Variants in MANBA observed in about 807,000 individuals in gnomAD.
MANBA encodes beta-mannosidase.
A neutral mutation model predicts 111.1 loss-of-function variants in MANBA; 83 were observed. The observed-to-expected ratio is 0.75, with a 90% CI of 0.63 to 0.90. The LOEUF is 0.90. MANBA is among the 40% of genes least tolerant of loss of function. The pLI, the probability that MANBA is intolerant of heterozygous loss-of-function variation, is 0.00. For missense variants in MANBA, 1,036 were observed against 1,069.0 expected, an observed-to-expected ratio of 0.97 and a Z score of 0.43; for synonymous variants, 370 against 378.7, an observed-to-expected ratio of 0.98 and a Z score of 0.27.
At chr4:102,737,452 A>C (rs1256120250) in intron 1 of MANBA, among the ~76,000 whole-genome samples, 1 of 150,268 alleles carries the variant, frequency 6.7e-6, no homozygotes, top group Non-Finnish European at 1.5e-5. Flanking sequence ...GGCTTCATGG[A>C]AGATGGGTAA....
chr4:102,636,724 G>A (rs1729649865), intron 14 of MANBA, among the ~76,000 whole-genome samples: 1 of 152,196 alleles, frequency 6.6e-6, no homozygotes, highest in Admixed American at 6.5e-5. Flanking sequence ...ATAAGTACAA[G>A]GAGCTGGTGA....
intron 13 of MANBA, 91 bp from the exon 14 acceptor site, chr4:102,639,948 G>T (rs369461301): frequency 4.8e-6 from 7 of 1,459,812 alleles, no homozygotes; most frequent in Non-Finnish European, 5.7e-6. Context: ...TTTGTTTTGG[G>T]TTTTTTCTTT....
chr4:102,674,033 A>C lies in MANBA; in HGVS notation c.998T>G (p.Ile333Arg). 1 of 1,603,444 alleles carries C rather than the reference A, an allele frequency of 6.2e-7. No homozygotes were observed. The highest frequency in any genetic ancestry group is 1.1e-5 in the South Asian group (1 of 90,830). ...GAAACTCAAACCAGGAGACCCTTTT[A>C]TAGGCTCTTCTATAAGTTCCACTGT... is the stretch of plus-strand genomic sequence containing the variant. Reference protein sequence around the residue: ...FRTVELIEEPIKGSPGLSFYF... With the variant: ...FRTVELIEEPRKGSPGLSFYF... The change falls in exon 8 of 17, where the codon ATA becomes AGA. Residue 333 changes from isoleucine (I) to arginine (R), a missense_variant. By Grantham distance (97) the Ile-to-Arg change is moderately conservative. Coordinates refer to ENST00000647097, the MANE Select transcript of MANBA (RefSeq NM_005908.4).
chr4:102,717,424 CTT>C (rs1239871326), intron 4 of MANBA, among the ~76,000 whole-genome samples: 75 of 134,422 alleles, frequency 5.6e-4, no homozygotes, highest in African/African-American at 1.8e-3. Flanking sequence ...CAGGCAGGAA[CTT>C]TTTTTTTTTT....
At chr4:102,708,460 A>C (rs1460102689) in intron 5 of MANBA, among the ~76,000 whole-genome samples, 2 of 152,168 alleles carry the variant, frequency 1.3e-5, no homozygotes, top group Non-Finnish European at 2.9e-5. Context: ...ACAGATAAAA[A>C]TTGAAGCACA....
chr4:102,653,228 A>G (rs1730417184), intron 12 of MANBA, among the ~76,000 whole-genome samples: 1 of 29,404 alleles, frequency 3.4e-5, no homozygotes, highest in African/African-American at 1.2e-4. Flanking sequence ...ATGCACACAC[A>G]CACACACACA....
At chr4:102,683,568 C>T (rs538604686) in intron 7 of MANBA, among the ~76,000 whole-genome samples, 27 of 152,262 alleles carry the variant, frequency 1.8e-4, no homozygotes, top group Non-Finnish European at 2.8e-4. Context: ...TCAGTACAAT[C>T]AATTAGTAGG....
In MANBA at chr4:102,657,860, T is replaced by C; in HGVS notation, c.1526A>G (p.Asn509Ser). 1.2e-6 allele frequency: 2 copies of C among 1,613,772 alleles called. No individual in the cohort carries two copies. The highest frequency in any genetic ancestry group is 1.7e-6 in the Non-Finnish European group (2 of 1,179,684). ...GGCTTCTGCAACAGTTTCAGCCCCA[T>C]TTGTAGGACTGGACGTAATAAAAGG... The part of the protein sequence containing the change: ...SRPFITSSPT[N>S]GAETVAEAWV... Residue 509 changes from asparagine (N) to serine (S), a missense_variant, in exon 12 of 17, where the codon AAT (asparagine) becomes AGT (serine). Asn to Ser is a conservative substitution (Grantham distance 46). Coordinates refer to ENST00000647097, the MANE Select transcript of MANBA (RefSeq NM_005908.4).
intron 11 of MANBA, among the ~76,000 whole-genome samples, chr4:102,663,253 C>A (rs1256972367): frequency 6.6e-6 from 1 of 151,734 alleles, no homozygotes; most frequent in Non-Finnish European, 1.5e-5. Flanking sequence ...CACATAACAG[C>A]TCTTAAAAGT....
At chr4:102,664,412 G>A (rs866137922) in intron 11 of MANBA, among the ~76,000 whole-genome samples, 6 of 151,318 alleles carry the variant, frequency 4.0e-5, no homozygotes, top group African/African-American at 9.7e-5. Flanking sequence ...GCAGTGGCGC[G>A]ATCTCGGCTC....
chr4:102,726,392 A>G (rs1393427357), intron 2 of MANBA, among the ~76,000 whole-genome samples, 197 bp downstream of exon 2: 1 of 152,178 alleles, frequency 6.6e-6, no homozygotes, highest in South Asian at 2.1e-4. Context: ...TATACAAAAC[A>G]AAACATAAAT....
In MANBA at chr4:102,760,011, T is replaced by A. The variant is rs1205004753; in HGVS notation, c.177+707A>T. Among the ~76,000 whole-genome samples the A allele has an allele frequency of 4.6e-5, 7 of 152,252 alleles. No individual in the cohort carries two copies. The East Asian group carries it at 1.2e-3, about 25-fold the overall frequency. Reference sequence around the variant, plus strand: ...AGCAGTTGGAGGATGGAAGTCAGTTTGCAAACCTATGCGCACAGGCAGCCA... The same window carrying A: ...AGCAGTTGGAGGATGGAAGTCAGTTAGCAAACCTATGCGCACAGGCAGCCA... On this transcript the variant is annotated intron_variant, in intron 1 of 16. Coordinates refer to ENST00000647097, the MANE Select transcript of MANBA (RefSeq NM_005908.4).
At chr4:102,691,393 A>G (rs1732466628) in intron 5 of MANBA, among the ~76,000 whole-genome samples, 1 of 152,176 alleles carries the variant, frequency 6.6e-6, no homozygotes, top group South Asian at 2.1e-4. Flanking sequence ...AGACAAATTC[A>G]AAAGCATAAT....
At chr4:102,743,300 A>G (rs1723475446) in intron 1 of MANBA, among the ~76,000 whole-genome samples, 1 of 152,244 alleles carries the variant, frequency 6.6e-6, no homozygotes, top group South Asian at 2.1e-4. Flanking sequence ...GAATCAGTAT[A>G]TAACTGCACA....
At chr4:102,649,831 C>T (rs1421400458) in intron 13 of MANBA, among the ~76,000 whole-genome samples, 2 of 152,126 alleles carry the variant, frequency 1.3e-5, no homozygotes, top group African/African-American at 2.4e-5. Context: ...AATCATGAAG[C>T]TATTCCATGT....
rs1275708810 is a variant in MANBA at position 102,707,833 on chromosome 4, T to C, written c.673+6605A>G. Among the ~76,000 whole-genome samples, 4 of 151,780 alleles carry C rather than the reference T, an allele frequency of 2.6e-5. No individual in the cohort carries two copies. The East Asian group carries it at 5.8e-4, about 22-fold the overall frequency. Reference sequence around the variant, plus strand: ...AATGGAAAAATATATTCCATGCAAATGGAAATAAAAATGAGCAGGCATAGC... The same window carrying C: ...AATGGAAAAATATATTCCATGCAAACGGAAATAAAAATGAGCAGGCATAGC... On this transcript the variant is annotated intron_variant, in intron 5 of 16. Coordinates refer to ENST00000647097, the MANE Select transcript of MANBA (RefSeq NM_005908.4).
chr4:102,708,535 C>T (rs528413842), intron 5 of MANBA, among the ~76,000 whole-genome samples: 5 of 152,098 alleles, frequency 3.3e-5, no homozygotes, highest in African/African-American at 1.2e-4. Flanking sequence ...GCAACAGATA[C>T]TTACATCCAA....
intron 4 of MANBA, among the ~76,000 whole-genome samples, chr4:102,715,252 G>C (rs1036212892): frequency 6.6e-6 from 1 of 152,048 alleles, no homozygotes; most frequent in African/African-American, 2.4e-5. Flanking sequence ...GGGCAGCTCT[G>C]CGGAGAGACC....
intron 8 of MANBA, chr4:102,672,117 C>T (rs1475159052): frequency 2.5e-6 from 1 of 398,436 alleles, no homozygotes; most frequent in African/African-American, 2.1e-5. Flanking sequence ...GTGGCTGTGT[C>T]TGGAGAAGAA....
Sources: gnomAD v4.1 joint callset for allele counts (sites outside exome capture counted in the v4.1 genomes callset) on GRCh38, gnomAD v4.1.1 for gene constraint, MANE v1.5 for transcripts, NCBI Gene and HGNC (gene_info 2026-07-23, HGNC 2026-07-21) for gene names.